Variants in PLXDC2 observed in about 807,000 individuals in gnomAD.
PLXDC2 encodes the protein plexin domain-containing protein 2.
Under a neutral mutation model 68.9 loss-of-function variants are expected in PLXDC2, and 40 were observed. That is an observed-to-expected ratio of 0.58 (90% CI 0.45 to 0.76). PLXDC2 has a LOEUF of 0.76. PLXDC2 is among the 30% of genes least tolerant of loss of function. The pLI is 0.00. For synonymous variants in PLXDC2, 243 were observed against 234.2 expected, an observed-to-expected ratio of 1.04 and a Z score of -0.34; for missense variants, 644 against 661.9, an observed-to-expected ratio of 0.97 and a Z score of 0.30.
At chr10:19,951,804 A>G (rs1833996594) in intron 1 of PLXDC2, among the ~76,000 whole-genome samples, 1 of 152,234 alleles carries the variant, frequency 6.6e-6, no homozygotes, top group Non-Finnish European at 1.5e-5. Flanking sequence ...ACCATGGACT[A>G]CTACATAGCC....
At chr10:20,253,793 T>C (rs566208747) in intron 13 of PLXDC2, among the ~76,000 whole-genome samples, 2 of 152,324 alleles carry the variant, frequency 1.3e-5, no homozygotes, top group Non-Finnish European at 2.9e-5. Context: ...ATGTTTGATA[T>C]AAAAAATGAT....
intron 11 of PLXDC2, among the ~76,000 whole-genome samples, chr10:20,217,950 A>T (rs1368560700): frequency 6.6e-6 from 1 of 152,080 alleles, no homozygotes; most frequent in Non-Finnish European, 1.5e-5. Flanking sequence ...ATGCATATAA[A>T]ATGTCCGTTG....
chr10:19,953,293 G>A (rs1294535220), intron 1 of PLXDC2, among the ~76,000 whole-genome samples: 2 of 152,166 alleles, frequency 1.3e-5, no homozygotes, highest in African/African-American at 4.8e-5. Flanking sequence ...AGGTGGTTGT[G>A]ATTCAGAATA....
intron 4 of PLXDC2, among the ~76,000 whole-genome samples, chr10:20,088,110 C>G (rs904046371): frequency 6.6e-6 from 1 of 152,096 alleles, no homozygotes; most frequent in South Asian, 2.1e-4. Flanking sequence ...AGTGAACATT[C>G]AAATACTTCA....
Position 19,832,540 on chromosome 10 carries a change from T to C in PLXDC2, c.112+15349T>C, listed in dbSNP as rs181670709. On this transcript the variant is annotated intron_variant, in intron 1 of 13. Coordinates refer to ENST00000377252, the MANE Select transcript of PLXDC2 (RefSeq NM_032812.9). ...TGACATTTCATGATATAATTTGAAA[T>C]ATCTTTGTAAAGTTCAATTTGCATA... Among the ~76,000 whole-genome samples, 26 of 152,386 alleles carry C rather than the reference T, an allele frequency of 1.7e-4. No homozygotes were observed. In the East Asian group the frequency reaches 4.4e-3, roughly 26 times the overall value.
intron 1 of PLXDC2, among the ~76,000 whole-genome samples, chr10:19,995,699 C>G (rs939200698): frequency 6.6e-6 from 1 of 152,170 alleles, no homozygotes; most frequent in African/African-American, 2.4e-5. Context: ...TGTGTTAACT[C>G]TCCTCTGCAC....
rs564432257 is a variant in PLXDC2, at chr10:19,955,806, G to C, written c.113-45969G>C. Among the ~76,000 whole-genome samples the C allele has an allele frequency of 3.3e-5, 5 of 152,266 alleles. No homozygotes were observed. In the South Asian group the frequency reaches 1.0e-3, roughly 32 times the overall value. ...AATTTTGAAACATTCTTGGCTGGGC[G>C]TGGTGGCTCACGCCTGTAATTTCAG... On this transcript the variant is annotated intron_variant, in intron 1 of 13. Coordinates refer to ENST00000377252, the MANE Select transcript of PLXDC2 (RefSeq NM_032812.9).
At chr10:20,035,473 G>C (rs891703508) in intron 2 of PLXDC2, among the ~76,000 whole-genome samples, 1 of 152,032 alleles carries the variant, frequency 6.6e-6, no homozygotes. Flanking sequence ...GAGGAGGGTG[G>C]ATCACTTGAG....
In PLXDC2 at chr10:20,153,879, A is replaced by G. The variant is rs548962077; in HGVS notation, c.783+5977A>G. On this transcript the variant is annotated intron_variant, in intron 6 of 13. Coordinates refer to ENST00000377252, the MANE Select transcript of PLXDC2 (RefSeq NM_032812.9). ...TTTCAATAAGTGACTGAATCAATTCATTCATTCTGATATCCTTGACAGTCT... is the reference window on the plus strand; with the variant it reads ...TTTCAATAAGTGACTGAATCAATTCGTTCATTCTGATATCCTTGACAGTCT... Among the ~76,000 whole-genome samples the G allele has an allele frequency of 1.2e-4, 18 of 152,322 alleles. No homozygotes were observed. In the East Asian group the frequency reaches 3.1e-3, roughly 26 times the overall value.
At chr10:19,939,956 G>C (rs1027212014) in intron 1 of PLXDC2, among the ~76,000 whole-genome samples, 1 of 151,812 alleles carries the variant, frequency 6.6e-6, no homozygotes, top group African/African-American at 2.4e-5. Context: ...GTCAAAGAAG[G>C]GAACGAATTC....
intron 1 of PLXDC2, among the ~76,000 whole-genome samples, chr10:19,954,152 G>A (rs761841390): frequency 2.0e-5 from 3 of 152,194 alleles, no homozygotes; most frequent in Non-Finnish European, 4.4e-5. Context: ...AGCAAAATGT[G>A]TGGGCTTATC....
At chr10:20,244,913 G>A (rs953137205) in intron 12 of PLXDC2, among the ~76,000 whole-genome samples, 3 of 152,122 alleles carry the variant, frequency 2.0e-5, no homozygotes, top group African/African-American at 4.8e-5. Context: ...TCAGGATTTC[G>A]AGACCAGCCT....
Position 19,988,776 on chromosome 10 carries a change from CTTTTTTTTTTTTTTTTTT to C in PLXDC2, c.113-12979_113-12962del, listed in dbSNP as rs552950916. On this transcript the variant is annotated intron_variant, in intron 1 of 13. Coordinates refer to ENST00000377252, the MANE Select transcript of PLXDC2 (RefSeq NM_032812.9). ...AGTTAGGGTTAAGTTAATAATGCCA[CTTTTTTTTTTTTTTTTTT>C]TTTTTTTTTTTTTTTTTTTGAGATG... 1.6e-3 allele frequency among the ~76,000 whole-genome samples: 74 copies of C among 45,488 alleles called. 2 individuals carry two copies. The South Asian group carries it at 0.051, about 31-fold the overall frequency. 29.8% of individuals were successfully genotyped at this position (45,488 alleles called of 152,430 possible). A position where few individuals can be genotyped will look rare whatever the true frequency, so the allele number is the denominator to read the frequency against.
At chr10:20,217,330 A>G (rs578252819) in intron 10 of PLXDC2, 96 bp from the exon 11 acceptor site, 57 of 1,065,874 alleles carry the variant, frequency 5.3e-5, no homozygotes, top group Non-Finnish European at 7.0e-5. Context: ...TTGATATGAG[A>G]GGCTTTTGTG....
intron 4 of PLXDC2, among the ~76,000 whole-genome samples, chr10:20,139,190 A>G (rs1277222153): frequency 1.3e-5 from 2 of 152,240 alleles, no homozygotes; most frequent in Non-Finnish European, 1.5e-5. Context: ...TCAAGGTACA[A>G]GAACAAAGCT....
At chr10:19,962,535 C>A (rs117431279) in intron 1 of PLXDC2, among the ~76,000 whole-genome samples, 1 of 148,224 alleles carries the variant, frequency 6.7e-6, no homozygotes, top group African/African-American at 2.4e-5. Flanking sequence ...GGACTACAGG[C>A]GCATGCCTCC....
chr10:19,871,431 A>G (rs186522141), intron 1 of PLXDC2, among the ~76,000 whole-genome samples: 149 of 152,338 alleles, frequency 9.8e-4, no homozygotes, highest in African/African-American at 3.5e-3. Context: ...AAATTTTATT[A>G]TAAGGTTTCC....
chr10:19,873,731 A>G (rs1003097996), intron 1 of PLXDC2, among the ~76,000 whole-genome samples: 8 of 152,218 alleles, frequency 5.3e-5, no homozygotes, highest in African/African-American at 1.9e-4. Flanking sequence ...TTTTTACTAG[A>G]AAATGTACAT....
intron 2 of PLXDC2, among the ~76,000 whole-genome samples, chr10:20,028,401 G>A (rs1419661436): frequency 6.6e-6 from 1 of 152,124 alleles, no homozygotes; most frequent in African/African-American, 2.4e-5. Context: ...AGAAATGCAG[G>A]TGTTATTTGA....
Sources: allele counts gnomAD v4.1 joint callset (sites outside exome capture counted in the v4.1 genomes callset), GRCh38; gene constraint gnomAD v4.1.1; transcripts MANE v1.5; gene names NCBI Gene and HGNC (gene_info 2026-07-23, HGNC 2026-07-21).